Variants in NHSL1 observed in about 807,000 individuals in gnomAD.
The protein encoded by NHSL1 is NHS like 1.
In NHSL1, 48 loss-of-function variants were observed where a neutral mutation model predicts 95.0. The observed-to-expected ratio is 0.51, with a 90% CI of 0.40 to 0.64. The LOEUF is 0.64. Among genes scored for constraint, NHSL1 ranks in the 30% least tolerant of loss-of-function variants. The probability of loss-of-function intolerance (pLI) is 0.00; values close to 1 mark genes in which losing one functional copy is unlikely to be tolerated. For synonymous variants in NHSL1, 783 were observed against 833.9 expected (o/e 0.94, Z 1.05); for missense variants, 1,971 against 2,077.7 (o/e 0.95, Z 1.00).
chr6:138,475,225 TC>T (rs770375528), intron 2 of NHSL1, among the ~76,000 whole-genome samples: 144 of 151,460 alleles, frequency 9.5e-4, no homozygotes, highest in South Asian at 1.7e-3. Flanking sequence ...GTAGTTTTCT[TC>T]TTTTTTTTTT....
intron 1 of NHSL1, among the ~76,000 whole-genome samples, chr6:138,620,930 T>C (rs1420404220): frequency 6.6e-6 from 1 of 152,162 alleles, no homozygotes; most frequent in Non-Finnish European, 1.5e-5. Context: ...CAATTCCACC[T>C]GGCTTCACAC....
intron 5 of NHSL1, among the ~76,000 whole-genome samples, chr6:138,441,540 T>C (rs1291706964): frequency 1.3e-5 from 2 of 152,216 alleles, no homozygotes; most frequent in Non-Finnish European, 1.5e-5. Context: ...AATCCCAGAC[T>C]GTTGTTTCTG....
chr6:138,542,630 G>C (rs1420319289), intron 1 of NHSL1, among the ~76,000 whole-genome samples: 1 of 152,198 alleles, frequency 6.6e-6, no homozygotes, highest in East Asian at 1.9e-4. Context: ...GCACTGCAAA[G>C]ATAATTAGTA....
chr6:138,443,327 G>A lies in NHSL1; in HGVS notation c.533-1213C>T, dbSNP rs73573212. On this transcript the variant is annotated intron_variant, in intron 4 of 7. Coordinates refer to ENST00000343505, the MANE Select transcript of NHSL1 (RefSeq NM_001144060.2). ...ACTTACAAATGCTTACAACCTTGTC[G>A]CTAATGGAGAAAAACAGAAATGACT... Among the ~76,000 whole-genome samples the A allele has an allele frequency of 2.4e-3, 360 of 152,244 alleles. 2 individuals carry two copies. The highest frequency in any genetic ancestry group is 6.5e-3 in the African/African-American group (272 of 41,540).
chr6:138,579,368 C>A (rs1329458253), intron 1 of NHSL1, among the ~76,000 whole-genome samples: 1 of 152,130 alleles, frequency 6.6e-6, no homozygotes, highest in Non-Finnish European at 1.5e-5. Context: ...GATAATTAGG[C>A]CTTTATAGCA....
chr6:138,530,696 T>C (rs1782097032), intron 1 of NHSL1, among the ~76,000 whole-genome samples: 2 of 152,210 alleles, frequency 1.3e-5, no homozygotes, highest in South Asian at 4.1e-4. Context: ...CCAAATATTG[T>C]ATGTTCTCAC....
At chr6:138,508,754 A>T (rs780710886) in intron 1 of NHSL1, among the ~76,000 whole-genome samples, 1 of 152,246 alleles carries the variant, frequency 6.6e-6, no homozygotes, top group Non-Finnish European at 1.5e-5. Context: ...AACCTTTCTT[A>T]AGAAGCATTC....
At chr6:138,467,562 T>C (rs909999252) in intron 3 of NHSL1, among the ~76,000 whole-genome samples, 2 of 152,200 alleles carry the variant, frequency 1.3e-5, no homozygotes, top group African/African-American at 4.8e-5. Flanking sequence ...ATTGTTATCA[T>C]AGGAGATAAC....
At chr6:138,674,629 T>C (rs551896607) in intron 1 of NHSL1, among the ~76,000 whole-genome samples, 1 of 152,180 alleles carries the variant, frequency 6.6e-6, no homozygotes, top group Non-Finnish European at 1.5e-5. Context: ...TTCATCCGTG[T>C]CCCTGCAAAG....
chr6:138,424,334 G>A lies in NHSL1; in HGVS notation c.4568C>T (p.Thr1523Ile). 1.3e-6 allele frequency: 2 copies of A among 1,540,138 alleles called. No homozygotes were observed. Among genetic ancestry groups the A allele is most frequent in the Non-Finnish European group, 1.8e-6 (2 of 1,140,104 alleles). ...MRNRIQSSPM[T>I]VISEGEGEAV... is the part of the protein sequence containing the mutation. ...TTCCCCTTCTCCCTCCGAGATGACG[G>A]TCATGGGGCTGCTCTGGATCCGGTT... is the stretch of plus-strand genomic sequence containing the variant. Residue 1523 changes from threonine (T) to isoleucine (I), a missense_variant, in exon 8 of 8, where the codon ACC becomes ATC. By Grantham distance (89) the Thr-to-Ile change is moderately conservative. Coordinates refer to ENST00000343505, the MANE Select transcript of NHSL1 (RefSeq NM_001144060.2). The surrounding 1 kb of genome is among the most constrained non-coding windows in gnomAD (Gnocchi z 5.9).
At chr6:138,602,436 G>A (rs1784383868) in intron 1 of NHSL1, among the ~76,000 whole-genome samples, 2 of 152,154 alleles carry the variant, frequency 1.3e-5, no homozygotes, top group Non-Finnish European at 2.9e-5. Context: ...CAATCTCCCA[G>A]GTTCAAGTTA....
chr6:138,557,623 A>G (rs1783241917), intron 1 of NHSL1, among the ~76,000 whole-genome samples: 1 of 152,262 alleles, frequency 6.6e-6, no homozygotes, highest in Non-Finnish European at 1.5e-5. Context: ...CACCAGGTCC[A>G]ATGACTAGTC....
At chr6:138,486,934 C>T (rs1779764848) in intron 2 of NHSL1, among the ~76,000 whole-genome samples, 2 of 152,102 alleles carry the variant, frequency 1.3e-5, no homozygotes, top group South Asian at 4.1e-4. Context: ...AGGGGAAATC[C>T]AGGAAAGGTT....
chr6:138,637,046 T>C (rs532341986), intron 1 of NHSL1, among the ~76,000 whole-genome samples: 7 of 152,050 alleles, frequency 4.6e-5, no homozygotes, highest in African/African-American at 4.8e-5. Context: ...CAGTTTTGAA[T>C]AGACACACAG....
chr6:138,654,407 C>T (rs999742161), intron 1 of NHSL1, among the ~76,000 whole-genome samples: 8 of 152,162 alleles, frequency 5.3e-5, no homozygotes, highest in African/African-American at 1.4e-4. Context: ...CATGCATATC[C>T]TTTGACCCAG....
chr6:138,554,286 C>T (rs1187676746), intron 1 of NHSL1, among the ~76,000 whole-genome samples: 1 of 152,184 alleles, frequency 6.6e-6, no homozygotes, highest in African/African-American at 2.4e-5. Flanking sequence ...AACTGACTTG[C>T]AATGTATACA....
intron 1 of NHSL1, among the ~76,000 whole-genome samples, chr6:138,617,444 C>T (rs138120214): frequency 3.5e-3 from 528 of 152,336 alleles, no homozygotes; most frequent in African/African-American, 0.012. Flanking sequence ...TTGTCTCACA[C>T]TGTCTCTCCC....
chr6:138,649,738 T>C (rs1036966692), intron 1 of NHSL1, among the ~76,000 whole-genome samples: 3 of 152,232 alleles, frequency 2.0e-5, no homozygotes, highest in Admixed American at 6.5e-5. Flanking sequence ...AGCATTTGCC[T>C]ACCAGCATAG....
chr6:138,659,395 C>G (rs1357165342), intron 1 of NHSL1, among the ~76,000 whole-genome samples: 1 of 152,086 alleles, frequency 6.6e-6, no homozygotes, highest in Non-Finnish European at 1.5e-5. Flanking sequence ...TCACGCTCCT[C>G]TTGGCTACTA....
Sources: allele counts gnomAD v4.1 joint callset (sites outside exome capture counted in the v4.1 genomes callset), GRCh38; gene constraint gnomAD v4.1.1; non-coding constraint Gnocchi (gnomAD v3.1); transcripts MANE v1.5; gene names NCBI Gene and HGNC (gene_info 2026-07-23, HGNC 2026-07-21).